The following THSD4 variants were observed in gnomAD, a reference collection of about 807,000 sequenced individuals.
THSD4 encodes thrombospondin type-1 domain-containing protein 4.
Under a neutral mutation model 119.0 loss-of-function variants are expected in THSD4, and 69 were observed. The observed-to-expected ratio is 0.58, with a 90% CI of 0.48 to 0.71. The LOEUF is 0.71. Among genes scored for constraint, THSD4 ranks in the 30% least tolerant of loss-of-function variants. The pLI, the probability that THSD4 is intolerant of heterozygous loss-of-function variation, is 0.00. For synonymous variants in THSD4, 524 were observed against 540.4 expected, an observed-to-expected ratio of 0.97 and a Z score of 0.42; for missense variants, 1,393 against 1,391.1, an observed-to-expected ratio of 1.00 and a Z score of -0.02.
chr15:71,441,596 T>C (rs2047092850), intron 7 of THSD4, among the ~76,000 whole-genome samples: 3 of 151,748 alleles, frequency 2.0e-5, no homozygotes, highest in Admixed American at 2.0e-4. Context: ...GGTTTCACTA[T>C]GTTGGCCAGG....
rs540573900 is a variant in THSD4, at chr15:71,159,794, T to C, written c.99+4862T>C. ...CCCTTTATTTTTTTCTCTTGCCTAA[T>C]TGCTCTGGCTAGGAATTCCTATGTT... On this transcript the variant is annotated intron_variant, in intron 3 of 17. Coordinates refer to ENST00000261862, the MANE Select transcript of THSD4 (RefSeq NM_024817.3). 2.0e-5 allele frequency among the ~76,000 whole-genome samples: 3 copies of C among 152,242 alleles called. No homozygotes were observed. The South Asian group carries it at 6.2e-4, about 32-fold the overall frequency.
chr15:71,474,837 C>T (rs190321885), intron 7 of THSD4, among the ~76,000 whole-genome samples: 13 of 152,326 alleles, frequency 8.5e-5, no homozygotes, highest in African/African-American at 2.9e-4. Context: ...TGGATTCTAG[C>T]AATCTCTCTC....
rs141836807 is a variant in THSD4, at chr15:71,437,427, C to T, written c.1152+25604C>T. Among the ~76,000 whole-genome samples the T allele has an allele frequency of 3.9e-3, 591 of 152,288 alleles. 5 individuals are homozygous for T. Among genetic ancestry groups the T allele is most frequent in the African/African-American group, 0.014 (562 of 41,542 alleles). On this transcript the variant is annotated intron_variant, in intron 7 of 17. Coordinates refer to ENST00000261862, the MANE Select transcript of THSD4 (RefSeq NM_024817.3). ...GGCATTGACAGCTTGAGTCTTTCTT[C>T]CTGCGATATGAGTTAATGAAAACTC...
chr15:71,683,671 A>C (rs1184824986), intron 8 of THSD4, among the ~76,000 whole-genome samples: 2 of 152,152 alleles, frequency 1.3e-5, no homozygotes, highest in Non-Finnish European at 2.9e-5. Flanking sequence ...GGAGGAGTAG[A>C]CATGGTTAAA....
chr15:71,500,625 C>T lies in THSD4; in HGVS notation c.1152+88802C>T, dbSNP rs368661212. On this transcript the variant is annotated intron_variant, in intron 7 of 17. Coordinates refer to ENST00000261862, the MANE Select transcript of THSD4 (RefSeq NM_024817.3). ...CTAGTTTCAGATAATATGTTTAGGT[C>T]TTTAATCCGTTTTCAGTTAATTTTT... 3.3e-5 allele frequency among the ~76,000 whole-genome samples: 5 copies of T among 152,294 alleles called. No individual in the cohort carries two copies. In the East Asian group the frequency reaches 9.7e-4, roughly 29 times the overall value.
chr15:71,582,370 A>G (rs902173171), intron 7 of THSD4, among the ~76,000 whole-genome samples: 15 of 152,182 alleles, frequency 9.9e-5, no homozygotes, highest in African/African-American at 3.4e-4. Context: ...ATTAGTTTTA[A>G]CAGGTTTTTT....
intron 8 of THSD4, among the ~76,000 whole-genome samples, chr15:71,702,774 A>G (rs1161094805): frequency 6.6e-6 from 1 of 151,772 alleles, no homozygotes; most frequent in Non-Finnish European, 1.5e-5. Context: ...ACACTCAGGC[A>G]CCTCCTTGGA....
At chr15:71,379,491 C>T (rs2046199659) in intron 6 of THSD4, among the ~76,000 whole-genome samples, 1 of 105,888 alleles carries the variant, frequency 9.4e-6, no homozygotes, top group Non-Finnish European at 1.7e-5. Flanking sequence ...TGGAGTCTTG[C>T]TCTATCGCCC....
intron 17 of THSD4, among the ~76,000 whole-genome samples, chr15:71,775,862 T>TA (rs1281078340): frequency 6.6e-6 from 1 of 152,012 alleles, no homozygotes; most frequent in Non-Finnish European, 1.5e-5. Flanking sequence ...CAAGGATGGA[T>TA]AAAAAAAGCA....
At chr15:71,635,234 C>T (rs561498772) in intron 7 of THSD4, among the ~76,000 whole-genome samples, 35 of 152,266 alleles carry the variant, frequency 2.3e-4, no homozygotes, top group African/African-American at 5.5e-4. Context: ...AAGAGATCTT[C>T]GAATCCCTGT....
At chr15:71,270,794 A>T (rs944950844) in intron 6 of THSD4, among the ~76,000 whole-genome samples, 4 of 141,916 alleles carry the variant, frequency 2.8e-5, no homozygotes, top group African/African-American at 5.2e-5. Flanking sequence ...TGGGAACCCT[A>T]CTGGAAGGGA....
intron 7 of THSD4, among the ~76,000 whole-genome samples, chr15:71,635,210 A>G (rs2050716455): frequency 6.6e-6 from 1 of 152,242 alleles, no homozygotes; most frequent in African/African-American, 2.4e-5. Flanking sequence ...TAATGTGAAC[A>G]TCGGAGAAAA....
chr15:71,533,868 C>T (rs1337456129), intron 7 of THSD4, among the ~76,000 whole-genome samples: 1 of 152,112 alleles, frequency 6.6e-6, no homozygotes, highest in Admixed American at 6.6e-5. Context: ...TATTGGCAGG[C>T]TTAGTAATGC....
intron 7 of THSD4, among the ~76,000 whole-genome samples, chr15:71,617,617 AG>A (rs1174372238): frequency 2.6e-5 from 4 of 152,236 alleles, no homozygotes; most frequent in African/African-American, 9.6e-5. Flanking sequence ...GAAGTCAGAA[AG>A]GGGAATTGAT....
At chr15:71,415,266 C>T (rs534956659) in intron 7 of THSD4, among the ~76,000 whole-genome samples, 1 of 152,220 alleles carries the variant, frequency 6.6e-6, no homozygotes, top group Non-Finnish European at 1.5e-5. Context: ...GGGCACTGTC[C>T]TCACATCAAG....
chr15:71,608,243 TATATATAC>T (rs1182878234), intron 7 of THSD4, among the ~76,000 whole-genome samples: 2 of 82,784 alleles, frequency 2.4e-5, no homozygotes, highest in African/African-American at 7.3e-5. Flanking sequence ...AAAAAATATA[TATATATAC>T]ACACACACAC....
chr15:71,764,926 T>C (rs2053688699), intron 15 of THSD4, 94 bp from the exon 16 acceptor site: 1 of 1,436,828 alleles, frequency 7.0e-7, no homozygotes, highest in African/African-American at 1.4e-5. Context: ...GGTGGTAGAA[T>C]TGACGGTGCC....
intron 6 of THSD4, among the ~76,000 whole-genome samples, chr15:71,368,111 G>A (rs530102648): frequency 7.5e-4 from 114 of 152,130 alleles, no homozygotes; most frequent in African/African-American, 1.4e-3. Context: ...CATATCCTTC[G>A]CCCACTTTTT....
chr15:71,659,690 A>G (rs1279274011), intron 7 of THSD4, among the ~76,000 whole-genome samples: 1 of 152,192 alleles, frequency 6.6e-6, no homozygotes, highest in Non-Finnish European at 1.5e-5. Context: ...GAGACTACAG[A>G]CATGAGCCAC....
Sources: allele counts gnomAD v4.1 joint callset (sites outside exome capture counted in the v4.1 genomes callset), GRCh38; gene constraint gnomAD v4.1.1; transcripts MANE v1.5; gene names NCBI Gene and HGNC (gene_info 2026-07-23, HGNC 2026-07-21).